PEX14: variants seen among roughly 807,000 people sequenced by gnomAD.
PEX14 encodes peroxisomal biogenesis factor 14.
PEX14 carries 15 observed loss-of-function variants against 49.5 expected under a neutral mutation model. The ratio of observed to expected loss-of-function variants is 0.30; its 90% CI spans 0.20 to 0.47. PEX14 has a LOEUF of 0.47. Among genes scored for constraint, PEX14 ranks in the 20% least tolerant of loss-of-function variants. The pLI, the probability that PEX14 is intolerant of heterozygous loss-of-function variation, is 1.00. For missense variants in PEX14, 398 were observed against 494.8 expected (o/e 0.80, Z 1.86); for synonymous variants, 210 against 212.7 (o/e 0.99, Z 0.11).
At chr1:10,602,723 T>TA (rs1315210121) in intron 4 of PEX14, among the ~76,000 whole-genome samples, 6 of 152,180 alleles carry the variant, frequency 3.9e-5, no homozygotes, top group Admixed American at 1.3e-4. Context: ...GGTTTATATA[T>TA]TTTTTTACTT....
intron 3 of PEX14, among the ~76,000 whole-genome samples, chr1:10,581,922 T>A (rs1640333260): frequency 6.6e-6 from 1 of 151,868 alleles, no homozygotes; most frequent in African/African-American, 2.4e-5. Context: ...GGAATTTCTC[T>A]TCATTTTATT....
At position 10,610,011 on chromosome 1, in the gene PEX14, C is replaced by CAT. The variant is rs1378346731; in HGVS notation, c.299-8314_299-8313dup. On this transcript the variant is annotated intron_variant, in intron 4 of 8. Transcript: ENST00000356607. ...TGAGATTGATTCATGTTTTTATATA[C>CAT]ATATATATGTATTGATATATAAATA... is the stretch of plus-strand genomic sequence containing the variant. Among the ~76,000 whole-genome samples the CAT allele has an allele frequency of 1.3e-4, 19 of 149,480 alleles. No individual in the cohort carries two copies. The East Asian group carries it at 3.5e-3, about 28-fold the overall frequency.
intron 2 of PEX14, among the ~76,000 whole-genome samples, chr1:10,504,155 A>G (rs977536966): frequency 6.6e-6 from 1 of 152,230 alleles, no homozygotes; most frequent in African/African-American, 2.4e-5. Flanking sequence ...GAGAAACCGC[A>G]GGAAGATAAA....
rs768515260 is a variant in PEX14 at position 10,475,020 on chromosome 1, G to A, written c.36+18G>A. ...CGAGCCAGGTAAGGGGAGTGGGACT[G>A]CCCCGCTGTGCGGCGGAGACCCCGG... On this transcript the variant is annotated intron_variant, in intron 1 of 8. Coordinates refer to ENST00000356607, the MANE Select transcript of PEX14 (RefSeq NM_004565.3). 11 of 1,603,616 alleles carry A rather than the reference G, an allele frequency of 6.9e-6. No individual in the cohort carries two copies. In the Middle Eastern group the frequency reaches 5.0e-4, roughly 73 times the overall value.
intron 3 of PEX14, among the ~76,000 whole-genome samples, chr1:10,577,189 C>CAGG (rs5772421): frequency 0.61 from 92,393 of 150,676 alleles, 29,594 homozygotes; most frequent in Admixed American, 0.7. Flanking sequence ...AGGTGGATAA[C>CAGG]AGTTCAAGAC....
chr1:10,627,303 C>A lies in PEX14; in HGVS notation c.617C>A (p.Ser206Tyr). The A allele has an allele frequency of 6.2e-7, 1 of 1,613,700 alleles. No individual in the cohort carries two copies. The highest frequency in any genetic ancestry group is 2.2e-5 in the East Asian group (1 of 44,886). The part of the protein sequence containing the change: ...ATTSTNWILE[S>Y]QNINELKSEI... ...ACATCCACCAACTGGATCCTGGAGT[C>A]CCAGAATATCAACGAACTCAAGTCC... Residue 206 changes from serine (S) to tyrosine (Y), a missense_variant, in exon 8 of 9, where the codon TCC (serine) becomes TAC (tyrosine). This residue lies in a region of PEX14 where 202 missense variants were observed against 298.5 expected (regional missense o/e 0.68). Transcript: ENST00000356607.
intron 4 of PEX14, 142 bp from the exon 5 acceptor site, chr1:10,618,190 G>A: frequency 1.5e-6 from 1 of 676,814 alleles, no homozygotes; most frequent in East Asian, 2.8e-5. Flanking sequence ...TGATGATCAT[G>A]TGCTGCCTTC....
At chr1:10,587,115 A>T (rs1640516060) in intron 3 of PEX14, among the ~76,000 whole-genome samples, 1 of 152,068 alleles carries the variant, frequency 6.6e-6, no homozygotes, top group Admixed American at 6.6e-5. Flanking sequence ...ACACTTAAAA[A>T]TGTGCATGCT....
At chr1:10,582,126 ATAATGTT>A (rs1277169851) in intron 3 of PEX14, among the ~76,000 whole-genome samples, 1 of 152,118 alleles carries the variant, frequency 6.6e-6, no homozygotes, top group Non-Finnish European at 1.5e-5. Flanking sequence ...AACTCCAAGA[ATAATGTT>A]AAATGTTAAT....
chr1:10,483,124 C>G (rs1641310659), intron 1 of PEX14, among the ~76,000 whole-genome samples: 1 of 152,182 alleles, frequency 6.6e-6, no homozygotes, highest in African/African-American at 2.4e-5. Context: ...AGTTAACTTG[C>G]TAAATTAGTT....
chr1:10,518,160 A>G (rs754026621), intron 2 of PEX14, among the ~76,000 whole-genome samples: 3 of 152,132 alleles, frequency 2.0e-5, no homozygotes, highest in Admixed American at 6.5e-5. Flanking sequence ...AAAAAAAAGT[A>G]TCCCTCTTTG....
intron 3 of PEX14, among the ~76,000 whole-genome samples, chr1:10,538,088 C>A (rs1489592029): frequency 2.0e-5 from 3 of 152,224 alleles, no homozygotes; most frequent in Non-Finnish European, 4.4e-5. Context: ...CCTCGCAGAG[C>A]TTAAATTCTA....
chr1:10,618,433 C>T lies in PEX14; in HGVS notation c.384+16C>T, dbSNP rs201704437. 6.2e-5 allele frequency: 98 copies of T among 1,591,708 alleles called. No individual in the cohort carries two copies. Among genetic ancestry groups the T allele is most frequent in the African/African-American group, 4.4e-4 (33 of 74,520 alleles). Reference sequence around the variant, plus strand: ...GCTCTACAAGGTGAGTCACCCCCAGCGGCTGCAGGTGCTGTGCCCCTGCCA... The same window carrying T: ...GCTCTACAAGGTGAGTCACCCCCAGTGGCTGCAGGTGCTGTGCCCCTGCCA... On this transcript the variant is annotated intron_variant, in intron 5 of 8. Coordinates refer to ENST00000356607, the MANE Select transcript of PEX14 (RefSeq NM_004565.3).
At position 10,529,098 on chromosome 1, in the gene PEX14, C is replaced by G. The variant is rs76263401; in HGVS notation, c.85-7115C>G. 9.2e-5 allele frequency among the ~76,000 whole-genome samples: 14 copies of G among 152,316 alleles called. No homozygotes were observed. The highest frequency in any genetic ancestry group is 3.4e-4 in the African/African-American group (14 of 41,570). Reference sequence around the variant, plus strand: ...CATCAAAAATTAGAGGGGCTGCTATCTAAATTCAGGTGGGGATGCGTGGGG... The same window carrying G: ...CATCAAAAATTAGAGGGGCTGCTATGTAAATTCAGGTGGGGATGCGTGGGG... On this transcript the variant is annotated intron_variant, in intron 2 of 8. Transcript: ENST00000356607. The surrounding 1 kb of genome is among the most constrained non-coding windows in gnomAD (Gnocchi z 4.2).
chr1:10,499,654 G>C (rs145427048), intron 2 of PEX14, among the ~76,000 whole-genome samples: 2 of 151,980 alleles, frequency 1.3e-5, no homozygotes, highest in Admixed American at 6.5e-5. Flanking sequence ...TCACCATGTT[G>C]GCCAGGATGG....
At chr1:10,577,396 C>CAA (rs1183146936) in intron 3 of PEX14, among the ~76,000 whole-genome samples, 3 of 9,614 alleles carry the variant, frequency 3.1e-4, no homozygotes, top group Non-Finnish European at 4.7e-4. Flanking sequence ...TACTCTGTCT[C>CAA]AAAAAAAAAA....
rs917572804 is a variant in PEX14 at position 10,597,502 on chromosome 1, A to G, written c.170-1736A>G. 1.1e-4 allele frequency among the ~76,000 whole-genome samples: 16 copies of G among 152,042 alleles called. No individual in the cohort carries two copies. Among genetic ancestry groups the G allele is most frequent in the African/African-American group, 2.7e-4 (11 of 41,394 alleles). On this transcript the variant is annotated intron_variant, in intron 3 of 8. Coordinates refer to ENST00000356607, the MANE Select transcript of PEX14 (RefSeq NM_004565.3). The surrounding 1 kb of genome is among the most constrained non-coding windows in gnomAD (Gnocchi z 5.7). The stretch of plus-strand genomic sequence containing the variant: ...TTGGTCCTGTCCCTGTTCTTCTTGG[A>G]AGGTGAAATTATGGGTAAAGCAGTC...
chr1:10,501,640 C>T (rs1250984905), intron 2 of PEX14, among the ~76,000 whole-genome samples: 5 of 152,014 alleles, frequency 3.3e-5, no homozygotes, highest in African/African-American at 4.8e-5. Flanking sequence ...ATTGGCTGAG[C>T]GTGGTGGCTC....
At chr1:10,489,271 G>A (rs1365505345) in intron 1 of PEX14, among the ~76,000 whole-genome samples, 1 of 152,218 alleles carries the variant, frequency 6.6e-6, no homozygotes, top group Non-Finnish European at 1.5e-5. Flanking sequence ...GTGAGCTACC[G>A]TGCCTGGCCA....
Sources: allele counts gnomAD v4.1 joint callset (sites outside exome capture counted in the v4.1 genomes callset), GRCh38; gene constraint gnomAD v4.1.1; regional missense constraint gnomAD v4.1.1; non-coding constraint Gnocchi (gnomAD v3.1); transcripts MANE v1.5; gene names NCBI Gene and HGNC (gene_info 2026-07-23, HGNC 2026-07-21).